TTLL4: variants seen among roughly 807,000 people sequenced by gnomAD.
TTLL4 encodes tubulin tyrosine ligase like 4.
Under a neutral mutation model 122.7 loss-of-function variants are expected in TTLL4, and 85 were observed. The ratio of observed to expected loss-of-function variants is 0.69; its 90% CI spans 0.58 to 0.83. The LOEUF (loss-of-function observed/expected upper bound fraction) is 0.83. TTLL4 is among the 40% of genes least tolerant of loss of function. The pLI, the probability that TTLL4 is intolerant of heterozygous loss-of-function variation, is 0.00. For synonymous variants in TTLL4, 553 were observed against 563.0 expected (o/e 0.98, Z 0.25); for missense variants, 1,363 against 1,488.6 (o/e 0.92, Z 1.39).
rs556958183 is a variant in TTLL4, at chr2:218,730,445, T to C, written c.-99+3098T>C. 3.4e-5 allele frequency among the ~76,000 whole-genome samples: 5 copies of C among 146,922 alleles called. No individual in the cohort carries two copies. The East Asian group carries it at 1.0e-3, about 30-fold the overall frequency. ...ACCACTTGAACCTGGGAGGGGGAGG[T>C]TGCAGTGAGCTGAGATCATGCCACT... On this transcript the variant is annotated intron_variant, in intron 2 of 19. Transcript: ENST00000392102.
intron 1 of TTLL4, among the ~76,000 whole-genome samples, chr2:218,722,246 A>G (rs1942063935): frequency 1.3e-5 from 2 of 152,204 alleles, no homozygotes; most frequent in South Asian, 2.1e-4. Context: ...GGTCTCAAAC[A>G]AACAAAAAGA....
chr2:218,730,593 A>C (rs1039039502), intron 2 of TTLL4, among the ~76,000 whole-genome samples: 2 of 152,198 alleles, frequency 1.3e-5, no homozygotes, highest in Admixed American at 6.5e-5. Context: ...TCAGAGGAAA[A>C]GCATCTCATA....
intron 6 of TTLL4, 50 bp from the exon 7 acceptor site, chr2:218,745,641 T>C (rs1286837271): frequency 1.6e-6 from 2 of 1,260,422 alleles, no homozygotes; most frequent in East Asian, 4.9e-5. Context: ...TCATCATGAC[T>C]CTCTGCTCCT....
At chr2:218,728,940 T>G (rs895548610) in intron 2 of TTLL4, among the ~76,000 whole-genome samples, 1 of 102,106 alleles carries the variant, frequency 9.8e-6, no homozygotes, top group African/African-American at 4.3e-5. Flanking sequence ...TTTTTTTTTT[T>G]TGGCGGGGGG....
At chr2:218,746,936 G>A in intron 8 of TTLL4, 67 bp from the exon 9 acceptor site, 1 of 1,534,586 alleles carries the variant, frequency 6.5e-7, no homozygotes, top group South Asian at 1.2e-5. Flanking sequence ...GGTAGAATGA[G>A]TCTTGTCATC....
At chr2:218,752,669 C>G (rs557131533) in intron 16 of TTLL4, 94 bp from the exon 17 acceptor site, 1 of 1,371,966 alleles carries the variant, frequency 7.3e-7, no homozygotes, top group African/African-American at 1.4e-5. Context: ...CTGTAGGACC[C>G]CAGGGGTGTG....
At chr2:218,758,620 G>A (rs2106471731), downstream of TTLL4, among the ~76,000 whole-genome samples, 1 of 152,096 alleles carries the variant, frequency 6.6e-6, no homozygotes, top group East Asian at 1.9e-4. Flanking sequence ...ATCATTAGCA[G>A]TCAGAGAAGA....
At position 218,748,181 on chromosome 2, in the gene TTLL4, G is replaced by C. The variant is rs760675042; in HGVS notation, c.2455G>C (p.Glu819Gln). 1 of 1,614,140 alleles carries C rather than the reference G, an allele frequency of 6.2e-7. No individual in the cohort carries two copies. Among genetic ancestry groups the C allele is most frequent in the Non-Finnish European group, 8.5e-7 (1 of 1,180,022 alleles). ...CTACAGTGTCAATAAAAAGAATGCC[G>C]AGTACCAGGCCAATGCAGATGAAAT... The part of the protein sequence containing the change: ...TNYSVNKKNA[E>Q]YQANADEMAC... The change falls in exon 12 of 20, where the codon GAG becomes CAG. Residue 819 changes from glutamate to glutamine, a missense_variant. Coordinates refer to ENST00000392102, the MANE Select transcript of TTLL4 (RefSeq NM_014640.5).
Position 218,740,515 on chromosome 2 carries a change from C to G in TTLL4, c.1598-6C>G. ...GTCAGAATTTCTCTGTTCTTCCTTC[C>G]TCTAGGAGACTCAGAGTGCTCCTCA... On this transcript the variant is annotated splice_polypyrimidine_tract_variant and splice_region_variant and intron_variant, in intron 4 of 19. Coordinates refer to ENST00000392102, the MANE Select transcript of TTLL4 (RefSeq NM_014640.5). The G allele has an allele frequency of 6.2e-7, 1 of 1,614,106 alleles. No homozygotes were observed. Among genetic ancestry groups the G allele is most frequent in the Non-Finnish European group, 8.5e-7 (1 of 1,179,972 alleles).
chr2:218,751,189 A>G (rs1212654958), intron 15 of TTLL4, among the ~76,000 whole-genome samples: 1 of 152,102 alleles, frequency 6.6e-6, no homozygotes, highest in Non-Finnish European at 1.5e-5. Flanking sequence ...TTGTCATTGG[A>G]CATATCCCAC....
At chr2:218,741,105 A>G (rs1258615107) in intron 5 of TTLL4, among the ~76,000 whole-genome samples, 2 of 152,152 alleles carry the variant, frequency 1.3e-5, no homozygotes, top group African/African-American at 4.8e-5. Flanking sequence ...CAACAGTATA[A>G]TGGGCTGGGC....
rs913576364 is a variant in TTLL4 at position 218,754,657 on chromosome 2, C to T, written c.*268C>T. ...TCAGCAGAGAAGCCAGTGGTGGCCA[C>T]GCAGCCTTATAAAGCAGGTTTTGGT... is the stretch of plus-strand genomic sequence containing the variant. On this transcript the variant is annotated 3_prime_UTR_variant, in exon 20 of 20. Coordinates refer to ENST00000392102, the MANE Select transcript of TTLL4 (RefSeq NM_014640.5). 31 of 527,258 alleles carry T rather than the reference C, an allele frequency of 5.9e-5. No individual in the cohort carries two copies. Among genetic ancestry groups the T allele is most frequent in the Admixed American group, 1.3e-4 (4 of 30,142 alleles). The allele number at this position is 527,258 out of a possible 1,614,324, so 32.7% of individuals were successfully genotyped here.
chr2:218,713,096 A>T (rs995727303), intron 1 of TTLL4, among the ~76,000 whole-genome samples: 1 of 152,130 alleles, frequency 6.6e-6, no homozygotes, highest in Non-Finnish European at 1.5e-5. Context: ...ACCTATTTTA[A>T]GACTGGGTGT....
Position 218,737,977 on chromosome 2 carries a change from A to G in TTLL4, c.301A>G (p.Ser101Gly). ...GTTAVIAGHSSSCYLHSLPDL... is the reference protein window; with the variant it reads ...GTTAVIAGHSGSCYLHSLPDL... ...CACGGCTGTCATTGCAGGCCACAGC[A>G]GTTCCTGTTACCTACACTCTCTCCC... Residue 101 changes from serine (S) to glycine (G), a missense_variant, in exon 3 of 20, where the codon AGT (serine) becomes GGT (glycine). Transcript: ENST00000392102. 6.2e-7 allele frequency: 1 copy of G among 1,614,198 alleles called. No homozygotes were observed. The highest frequency in any genetic ancestry group is 8.5e-7 in the Non-Finnish European group (1 of 1,180,036).
intron 6 of TTLL4, 148 bp downstream of exon 6, chr2:218,745,381 G>A (rs1466500123): frequency 7.5e-6 from 8 of 1,073,088 alleles, no homozygotes; most frequent in South Asian, 3.0e-5. Context: ...CCATGTGGTC[G>A]TAGGTCTGAT....
At position 218,745,230 on chromosome 2, in the gene TTLL4, A is replaced by C. The variant is rs1217750405; in HGVS notation, c.1783A>C (p.Arg595=). 2.5e-6 allele frequency: 4 copies of C among 1,613,940 alleles called. No homozygotes were observed. The Middle Eastern group carries it at 5.0e-4, about 200-fold the overall frequency. ...PTIYFGTRDE[R]VEKLPWEQRK... ...CATCTATTTTGGCACTCGGGATGAG[A>C]GAGGTAAACCTGGCCAAGTGTCAAA... Residue 595 remains arginine (R), a synonymous_variant, in exon 6 of 20, where the codon AGA becomes CGA. Coordinates refer to ENST00000392102, the MANE Select transcript of TTLL4 (RefSeq NM_014640.5).
chr2:218,726,289 T>C (rs1328418205), intron 1 of TTLL4, among the ~76,000 whole-genome samples: 2 of 152,198 alleles, frequency 1.3e-5, no homozygotes, highest in East Asian at 1.9e-4. Flanking sequence ...AGCTCCCTTA[T>C]ATGTATTTGC....
rs765910713 is a variant in TTLL4, at chr2:218,749,365, C to T, written c.2713C>T (p.Leu905=). Residue 905 remains leucine, a synonymous_variant, in exon 14 of 20, where the codon CTG becomes TTG. Transcript: ENST00000392102. The stretch of plus-strand genomic sequence containing the variant: ...AGACGAAAACCTCAAGCCCTGGGTC[C>T]TGGAAGTCAACATTTCCCCAAGGTA... ...MLDENLKPWV[L]EVNISPSLHS... 3 of 1,614,160 alleles carry T rather than the reference C, an allele frequency of 1.9e-6. No homozygotes were observed. Among genetic ancestry groups the T allele is most frequent in the Admixed American group, 1.7e-5 (1 of 60,020 alleles).
downstream of TTLL4, among the ~76,000 whole-genome samples, chr2:218,757,613 A>G (rs1170716118): frequency 6.6e-6 from 1 of 152,194 alleles, no homozygotes; most frequent in Non-Finnish European, 1.5e-5. Flanking sequence ...TAACAGCTGT[A>G]CGAAGGGGCA....
Sources: gnomAD v4.1 joint callset for allele counts (sites outside exome capture counted in the v4.1 genomes callset) on GRCh38, gnomAD v4.1.1 for gene constraint, MANE v1.5 for transcripts, NCBI Gene and HGNC (gene_info 2026-07-23, HGNC 2026-07-21) for gene names.